SNED1: variants seen among roughly 807,000 people sequenced by gnomAD.
SNED1 encodes sushi, nidogen and EGF like domains 1.
Under a neutral mutation model 166.7 loss-of-function variants are expected in SNED1, and 81 were observed. The observed-to-expected ratio is 0.49, with a 90% confidence interval of 0.41 to 0.58. The LOEUF (loss-of-function observed/expected upper bound fraction) is 0.58. Ranked by LOEUF, SNED1 falls within the 20% of genes least tolerant of loss-of-function variation. SNED1 has a pLI of 0.00. For missense variants in SNED1, 1,604 were observed against 2,000.2 expected (o/e 0.80, Z 3.78); for synonymous variants, 762 against 822.0 (o/e 0.93, Z 1.25).
intron 1 of SNED1, among the ~76,000 whole-genome samples, chr2:241,030,075 C>T (rs1188937918): frequency 2.6e-5 from 4 of 152,224 alleles, no homozygotes; most frequent in Non-Finnish European, 4.4e-5. Context: ...AGCCTGTGCC[C>T]TGAGCACACA....
rs1186282115 is a variant in SNED1 at position 241,092,051 on chromosome 2, G to A, written c.*415G>A. 1 of 152,200 alleles carries A rather than the reference G, an allele frequency of 6.6e-6. No homozygotes were observed. The highest frequency in any genetic ancestry group is 1.5e-5 in the Non-Finnish European group (1 of 68,078). 9.4% of individuals were successfully genotyped at this position (152,200 alleles called of 1,614,324 possible). On this transcript the variant is annotated 3_prime_UTR_variant, in exon 32 of 32. Transcript: ENST00000310397. The surrounding 1 kb of genome is among the most constrained non-coding windows in gnomAD (Gnocchi z 4.6). The stretch of plus-strand genomic sequence containing the variant: ...AAGCCAGAGAAAGAATTCTCCCTTC[G>A]AGGCCCAACAAATTGAGAAGGAACT...
Position 241,093,773 on chromosome 2 carries a change from G to A in SNED1, c.*2137G>A, listed in dbSNP as rs910670349. 6.6e-6 allele frequency: 1 copy of A among 152,362 alleles called. No homozygotes were observed. Among genetic ancestry groups the A allele is most frequent in the African/African-American group, 2.4e-5 (1 of 41,438 alleles). 9.4% of individuals were successfully genotyped at this position (152,362 alleles called of 1,614,324 possible). Reference sequence around the variant, plus strand: ...TTCGTTCTTGAAACATTCCAAAGAGGCCACCACAGCTTTTCCCATGTGGCT... The same window carrying A: ...TTCGTTCTTGAAACATTCCAAAGAGACCACCACAGCTTTTCCCATGTGGCT... On this transcript the variant is annotated 3_prime_UTR_variant, in exon 32 of 32. Coordinates refer to ENST00000310397, the MANE Select transcript of SNED1 (RefSeq NM_001080437.3).
chr2:241,017,957 G>A (rs987252408), intron 1 of SNED1, among the ~76,000 whole-genome samples: 2 of 152,200 alleles, frequency 1.3e-5, no homozygotes, highest in Non-Finnish European at 2.9e-5. Context: ...CCGCTACGAT[G>A]ACCAACTCGT....
At chr2:241,049,626 AAG>A (rs2061767327) in intron 11 of SNED1, among the ~76,000 whole-genome samples, 189 bp from the exon 12 acceptor site, 2 of 152,152 alleles carry the variant, frequency 1.3e-5, no homozygotes, top group African/African-American at 4.8e-5. Flanking sequence ...AATCGAGAAA[AAG>A]AGAAATTCCA....
chr2:241,007,357 G>A (rs2060248900), intron 1 of SNED1, among the ~76,000 whole-genome samples: 1 of 152,218 alleles, frequency 6.6e-6, no homozygotes, highest in Non-Finnish European at 1.5e-5. Context: ...ATTCACTGTT[G>A]ACTTACTCAC....
intron 1 of SNED1, among the ~76,000 whole-genome samples, chr2:241,006,167 C>A (rs1050342203): frequency 6.6e-6 from 1 of 152,040 alleles, no homozygotes; most frequent in African/African-American, 2.4e-5. Context: ...TCTACACGGT[C>A]TAACCTATTC....
rs1287529121 is a variant in SNED1, at chr2:241,049,842, C to T, written c.1644C>T (p.Asp548=). Residue 548 remains aspartate, a synonymous_variant, in exon 12 of 32, where the codon GAC becomes GAT. Coordinates refer to ENST00000310397, the MANE Select transcript of SNED1 (RefSeq NM_001080437.3). ...CCCTGCCATCACCCTGCGACTCGGACCCCTGCTTCAACGGAGGCTCCTGCG... is the reference window on the plus strand; with the variant it reads ...CCCTGCCATCACCCTGCGACTCGGATCCCTGCTTCAACGGAGGCTCCTGCG... ...SHSLPSPCDS[D]PCFNGGSCDA... 6 of 1,613,706 alleles carry T rather than the reference C, an allele frequency of 3.7e-6. No individual in the cohort carries two copies. In the African/African-American group the frequency reaches 5.3e-5, roughly 14 times the overall value.
At chr2:241,008,094 G>C (rs1475477260) in intron 1 of SNED1, among the ~76,000 whole-genome samples, 1 of 152,270 alleles carries the variant, frequency 6.6e-6, no homozygotes, top group African/African-American at 2.4e-5. Flanking sequence ...GGAGGTGGCA[G>C]CTCCCCAGCT....
chr2:241,071,467 C>T (rs2062712106), intron 24 of SNED1, 109 bp from the exon 25 acceptor site: 5 of 1,316,118 alleles, frequency 3.8e-6, no homozygotes, highest in Admixed American at 2.0e-5. Flanking sequence ...TGCCCCCCTT[C>T]CCTTCTCCAA....
chr2:241,082,177 C>T, intron 28 of SNED1, 100 bp from the exon 29 acceptor site: 2 of 926,322 alleles, frequency 2.2e-6, no homozygotes, highest in Non-Finnish European at 3.4e-6. Context: ...GGAAGCCAGC[C>T]TAAGGACCCC....
At chr2:241,088,097 TTC>T in intron 30 of SNED1, 2 of 487,568 alleles carry the variant, frequency 4.1e-6, no homozygotes, top group Non-Finnish European at 7.3e-6. Flanking sequence ...TTTGCTTGCT[TTC>T]TCCCACGTCC....
chr2:241,050,002 T>C (rs761006874), intron 12 of SNED1, 69 bp downstream of exon 12: 1 of 1,110,620 alleles, frequency 9.0e-7, no homozygotes, highest in East Asian at 2.4e-5. Context: ...GCCGTCCTGC[T>C]TCTCTGCTGT....
At chr2:241,031,130 C>T (rs762334342) in intron 2 of SNED1, among the ~76,000 whole-genome samples, 5 of 152,092 alleles carry the variant, frequency 3.3e-5, no homozygotes, top group African/African-American at 7.2e-5. Flanking sequence ...GGTGCAGAAC[C>T]GCCATTTTCA....
intron 1 of SNED1, among the ~76,000 whole-genome samples, chr2:241,025,532 T>C (rs2124944525): frequency 6.6e-6 from 1 of 152,332 alleles, no homozygotes; most frequent in Admixed American, 6.5e-5. Flanking sequence ...ATTCTATAGA[T>C]TTTTTACACC....
chr2:241,002,357 A>G (rs1427823299), intron 1 of SNED1, among the ~76,000 whole-genome samples: 1 of 152,078 alleles, frequency 6.6e-6, no homozygotes, highest in Admixed American at 6.5e-5. Flanking sequence ...GAGCTCATGG[A>G]ACACCCCAGC....
intron 8 of SNED1, among the ~76,000 whole-genome samples, chr2:241,046,415 G>C (rs988479039): frequency 6.6e-6 from 1 of 152,074 alleles, no homozygotes; most frequent in Non-Finnish European, 1.5e-5. Context: ...CCCTTCACTG[G>C]GTGAATGGAT....
At chr2:241,036,212 C>T (rs569632554) in intron 4 of SNED1, among the ~76,000 whole-genome samples, 15 of 151,890 alleles carry the variant, frequency 9.9e-5, no homozygotes, top group Non-Finnish European at 1.3e-4. Context: ...CAGGTGGTGC[C>T]GCGACGAAGG....
Position 241,051,981 on chromosome 2 carries a change from GA to G in SNED1, c.1853-59del. On this transcript the variant is annotated intron_variant, in intron 13 of 31. Transcript: ENST00000310397. The surrounding 1 kb of genome is among the most constrained non-coding windows in gnomAD (Gnocchi z 4.7). ...TCTCATGAAGAGGCCCCAGCTCTGGGATGTTGGGGAACGTGGGAGGGGCAGT... is the reference window on the plus strand; with the variant it reads ...TCTCATGAAGAGGCCCCAGCTCTGGGTGTTGGGGAACGTGGGAGGGGCAGT... 1 of 1,534,636 alleles carries G rather than the reference GA, an allele frequency of 6.5e-7. No homozygotes were observed.
At position 241,051,509 on chromosome 2, in the gene SNED1, G is replaced by A; in HGVS notation, c.1736-235G>A. On this transcript the variant is annotated intron_variant, in intron 12 of 31. Coordinates refer to ENST00000310397, the MANE Select transcript of SNED1 (RefSeq NM_001080437.3). The surrounding 1 kb of genome is among the most constrained non-coding windows in gnomAD (Gnocchi z 4.7). Reference sequence around the variant, plus strand: ...TTGCCAGAGCCTGGGCAGAAAAGAGGACAGGCAAGCAAAGGGCCCACCTGT... The same window carrying A: ...TTGCCAGAGCCTGGGCAGAAAAGAGAACAGGCAAGCAAAGGGCCCACCTGT... The A allele has an allele frequency of 2.4e-6, 1 of 412,086 alleles. No homozygotes were observed. Among genetic ancestry groups the A allele is most frequent in the South Asian group, 8.8e-5 (1 of 11,322 alleles). The allele number at this position is 412,086 out of a possible 1,614,324, so 25.5% of individuals were successfully genotyped here.
Sources: allele counts gnomAD v4.1 joint callset (sites outside exome capture counted in the v4.1 genomes callset), GRCh38; gene constraint gnomAD v4.1.1; non-coding constraint Gnocchi (gnomAD v3.1); transcripts MANE v1.5; gene names NCBI Gene and HGNC (gene_info 2026-07-23, HGNC 2026-07-21).